Variants in RTF2 observed in about 807,000 individuals in gnomAD.
RTF2 encodes the protein replication termination factor 2.
Under a neutral mutation model 38.0 loss-of-function variants are expected in RTF2, and 18 were observed. The observed-to-expected ratio is 0.47, with a 90% CI of 0.33 to 0.70. The LOEUF (loss-of-function observed/expected upper bound fraction) is 0.70. Ranked by LOEUF, RTF2 falls within the 30% of genes least tolerant of loss-of-function variation. RTF2 has a pLI of 0.02. For synonymous variants in RTF2, 126 were observed against 137.1 expected, an observed-to-expected ratio of 0.92 and a Z score of 0.57; for missense variants, 311 against 379.6, an observed-to-expected ratio of 0.82 and a Z score of 1.50.
chr20:56,487,034 A>G (rs564434325), intron 5 of RTF2, among the ~76,000 whole-genome samples: 5 of 152,316 alleles, frequency 3.3e-5, no homozygotes, highest in Admixed American at 6.5e-5. Flanking sequence ...AGTTCTCAGA[A>G]TCATTTTAAT....
intron 1 of RTF2, among the ~76,000 whole-genome samples, chr20:56,470,093 A>G (rs1488661343): frequency 6.6e-6 from 1 of 152,224 alleles, no homozygotes; most frequent in Non-Finnish European, 1.5e-5. Context: ...CAGCCACATA[A>G]TAGACACCTA....
chr20:56,515,148 TA>T (rs1984943388), intron 6 of RTF2, among the ~76,000 whole-genome samples: 2 of 152,150 alleles, frequency 1.3e-5, no homozygotes, highest in South Asian at 2.1e-4. Flanking sequence ...TCTAAATTAC[TA>T]TGATTTCATT....
Position 56,518,418 on chromosome 20 carries a change from T to C in RTF2, c.*153T>C. The C allele has an allele frequency of 4.3e-6, 3 of 703,602 alleles. No homozygotes were observed. Among genetic ancestry groups the C allele is most frequent in the Non-Finnish European group, 6.7e-6 (3 of 447,400 alleles). 43.6% of individuals were successfully genotyped at this position (703,602 alleles called of 1,614,324 possible). A position where few individuals can be genotyped will look rare whatever the true frequency, so the allele number is the denominator to read the frequency against. On this transcript the variant is annotated 3_prime_UTR_variant, in exon 9 of 9. Transcript: ENST00000357348. Reference sequence around the variant, plus strand: ...AGCCTTCAAGCTGGTGTGGCCACTCTTGATGTGAGGCGTGTCGGTTCCAGG... The same window carrying C: ...AGCCTTCAAGCTGGTGTGGCCACTCCTGATGTGAGGCGTGTCGGTTCCAGG...
intron 5 of RTF2, among the ~76,000 whole-genome samples, chr20:56,489,092 G>A (rs1378612794): frequency 2.0e-5 from 3 of 151,784 alleles, no homozygotes; most frequent in African/African-American, 7.3e-5. Flanking sequence ...GTCTTGCTCT[G>A]TTGCCCAGGC....
At chr20:56,475,188 G>T (rs924350888) in intron 3 of RTF2, among the ~76,000 whole-genome samples, 1 of 152,166 alleles carries the variant, frequency 6.6e-6, no homozygotes, top group Non-Finnish European at 1.5e-5. Flanking sequence ...TTTCATAAAA[G>T]TTGAAAAAAC....
chr20:56,517,823 C>T (rs915583819), intron 8 of RTF2, among the ~76,000 whole-genome samples: 2 of 152,162 alleles, frequency 1.3e-5, no homozygotes, highest in African/African-American at 2.4e-5. Flanking sequence ...TCCCCTGGAA[C>T]GCAGGCCCTG....
In RTF2 at chr20:56,468,658, G is replaced by C. The variant is rs1981801738; in HGVS notation, c.-40G>C. The C allele has an allele frequency of 6.5e-7, 1 of 1,541,374 alleles. No individual in the cohort carries two copies. The highest frequency in any genetic ancestry group is 1.4e-5 in the African/African-American group (1 of 72,944). The stretch of plus-strand genomic sequence containing the variant: ...TTCGCCGGAAATCCCGGAAGTGACA[G>C]CTTTGGGGGTTTGCTGCTGGCTCTG... On this transcript the variant is annotated 5_prime_UTR_variant, in exon 1 of 9. Coordinates refer to ENST00000357348, the MANE Select transcript of RTF2 (RefSeq NM_016407.5).
At chr20:56,505,479 T>C (rs912726062) in intron 5 of RTF2, among the ~76,000 whole-genome samples, 1 of 71,632 alleles carries the variant, frequency 1.4e-5, no homozygotes, top group Non-Finnish European at 2.7e-5. Flanking sequence ...CAGAGTGAGA[T>C]GCCATCTCAT....
At chr20:56,491,899 G>T in intron 5 of RTF2, 1 of 699,426 alleles carries the variant, frequency 1.4e-6, no homozygotes, top group Non-Finnish European at 2.5e-6. Context: ...CTTCACCAGA[G>T]TTCACATCAA....
intron 5 of RTF2, among the ~76,000 whole-genome samples, chr20:56,504,668 G>C (rs1232127173): frequency 6.6e-6 from 1 of 152,114 alleles, no homozygotes. Context: ...CCACCTCTGG[G>C]TACTTTTCTT....
chr20:56,468,849 G>A (rs999862103), intron 1 of RTF2, 83 bp downstream of exon 1: 2 of 1,164,984 alleles, frequency 1.7e-6, no homozygotes, highest in Admixed American at 2.2e-5. Flanking sequence ...TAAGAAGGGG[G>A]AGCCAGCGGA....
At chr20:56,474,135 C>G (rs1466341015) in intron 2 of RTF2, among the ~76,000 whole-genome samples, 2 of 152,128 alleles carry the variant, frequency 1.3e-5, no homozygotes, top group Admixed American at 6.5e-5. Context: ...TAAAAAAAGC[C>G]TTGTTCAGGT....
chr20:56,518,277 C>A lies in RTF2; in HGVS notation c.*12C>A. On this transcript the variant is annotated 3_prime_UTR_variant, in exon 9 of 9. Coordinates refer to ENST00000357348, the MANE Select transcript of RTF2 (RefSeq NM_016407.5). The stretch of plus-strand genomic sequence containing the variant: ...CCTACTGCTTCTGAAGCCCGCACTG[C>A]CACCGCTCCTGCCCCAGAAGGTTGT... The A allele has an allele frequency of 6.2e-7, 1 of 1,605,816 alleles. No individual in the cohort carries two copies. Among genetic ancestry groups the A allele is most frequent in the Non-Finnish European group, 8.5e-7 (1 of 1,176,862 alleles).
In RTF2 at chr20:56,494,261, T is replaced by C. The variant is rs371886162; in HGVS notation, c.477+10072T>C. Among the ~76,000 whole-genome samples, 5 of 152,328 alleles carry C rather than the reference T, an allele frequency of 3.3e-5. 1 individual carries two copies. The highest frequency in any genetic ancestry group is 1.9e-4 in the East Asian group (1 of 5,192). ...TAAGAACTTTCTGAAGTATTTACTT[T>C]TAGGGAATGAGGACTTTGTTAGGAT... is the stretch of plus-strand genomic sequence containing the variant. On this transcript the variant is annotated intron_variant, in intron 5 of 8. Transcript: ENST00000357348.
chr20:56,510,993 A>G (rs1268478013), intron 5 of RTF2, among the ~76,000 whole-genome samples: 1 of 152,122 alleles, frequency 6.6e-6, no homozygotes, highest in Non-Finnish European at 1.5e-5. Context: ...TGTTCCATAA[A>G]TGAATCCTTT....
intron 5 of RTF2, among the ~76,000 whole-genome samples, chr20:56,494,314 A>G (rs1315422249): frequency 2.0e-5 from 3 of 152,196 alleles, no homozygotes; most frequent in Admixed American, 2.0e-4. Context: ...TTTTTCAAAC[A>G]TTGTTGAAAC....
In RTF2 at chr20:56,517,146, A is replaced by G. The variant is rs751985516; in HGVS notation, c.687A>G (p.Glu229=). The G allele has an allele frequency of 2.5e-6, 4 of 1,614,222 alleles. No individual in the cohort carries two copies. Among genetic ancestry groups the G allele is most frequent in the Admixed American group, 3.3e-5 (2 of 60,022 alleles). The change falls in exon 8 of 9, where the codon GAA becomes GAG. Residue 229 remains glutamate, a synonymous_variant. Transcript: ENST00000357348. ...CAAAAGTTAAGACAGGGAAGCCTGA[A>G]GAAGCCAGCCTTGATTCTAGAGAGA... is the stretch of plus-strand genomic sequence containing the variant. ...GPSKVKTGKP[E]EASLDSREKK...
chr20:56,470,004 A>C (rs1233697071), intron 1 of RTF2, among the ~76,000 whole-genome samples: 2 of 152,160 alleles, frequency 1.3e-5, no homozygotes, highest in African/African-American at 4.8e-5. Flanking sequence ...AACAGTGCCT[A>C]CCACTGTGTT....
intron 5 of RTF2, among the ~76,000 whole-genome samples, chr20:56,500,322 G>A (rs1040167056): frequency 2.6e-5 from 4 of 152,180 alleles, no homozygotes; most frequent in Non-Finnish European, 4.4e-5. Flanking sequence ...CCAAAGTGTT[G>A]GGATTACAGG....
Sources: allele counts gnomAD v4.1 joint callset (sites outside exome capture counted in the v4.1 genomes callset), GRCh38; gene constraint gnomAD v4.1.1; transcripts MANE v1.5; gene names NCBI Gene and HGNC (gene_info 2026-07-23, HGNC 2026-07-21).